Variants in STUM observed in about 807,000 individuals in gnomAD.
STUM encodes protein stum homolog.
A neutral mutation model predicts 15.3 loss-of-function variants in STUM; 8 were observed. The ratio of observed to expected loss-of-function variants is 0.52; its 90% confidence interval spans 0.31 to 0.94. STUM has a LOEUF of 0.94. STUM is among the 40% of genes least tolerant of loss of function. STUM has a pLI of 0.05. For missense variants in STUM, 142 were observed against 204.9 expected, an observed-to-expected ratio of 0.69 and a Z score of 1.87; for synonymous variants, 78 against 88.7, an observed-to-expected ratio of 0.88 and a Z score of 0.68.
In STUM at chr1:226,608,647, C is replaced by G. The variant is rs954466054; in HGVS notation, c.*6607C>G. 1 of 152,194 alleles carries G rather than the reference C, an allele frequency of 6.6e-6. No homozygotes were observed. The highest frequency in any genetic ancestry group is 2.4e-5 in the African/African-American group (1 of 41,430). 9.4% of individuals were successfully genotyped at this position (152,194 alleles called of 1,614,324 possible). A position where few individuals can be genotyped will look rare whatever the true frequency, so the allele number is the denominator to read the frequency against. ...CCCTGAGCTCCTGGGGTTTTCTTGTCTCACTTCTACCCTGACCTGCTGGGA... is the reference window on the plus strand; with the variant it reads ...CCCTGAGCTCCTGGGGTTTTCTTGTGTCACTTCTACCCTGACCTGCTGGGA... On this transcript the variant is annotated 3_prime_UTR_variant, in exon 4 of 4. Transcript: ENST00000366788. This position sits in a 1 kb window ranked among gnomAD's most constrained non-coding sequence, Gnocchi z 4.0.
intron 1 of STUM, among the ~76,000 whole-genome samples, chr1:226,574,369 G>A (rs956144493): frequency 6.6e-6 from 1 of 152,166 alleles, no homozygotes; most frequent in Non-Finnish European, 1.5e-5. Context: ...ATTTCACTTA[G>A]CATAATGTTT....
chr1:226,549,153 G>T lies in STUM; in HGVS notation c.202+47G>T. 1.3e-6 allele frequency: 2 copies of T among 1,519,082 alleles called. No homozygotes were observed. Among genetic ancestry groups the T allele is most frequent in the Non-Finnish European group, 1.8e-6 (2 of 1,121,068 alleles). 94.1% of individuals were successfully genotyped at this position (1,519,082 alleles called of 1,614,324 possible). A position where few individuals can be genotyped will look rare whatever the true frequency, so the allele number is the denominator to read the frequency against. ...CCTTGCGACCCCCACCCCGCCGCGG[G>T]AGGGCGTGGGGGGAGAGAAGGGCGC... On this transcript the variant is annotated intron_variant, in intron 1 of 3. Coordinates refer to ENST00000366788, the MANE Select transcript of STUM (RefSeq NM_001003665.4). This position sits in a 1 kb window ranked among gnomAD's most constrained non-coding sequence, Gnocchi z 6.8.
At chr1:226,588,729 G>A (rs1391336642) in intron 1 of STUM, among the ~76,000 whole-genome samples, 2 of 152,224 alleles carry the variant, frequency 1.3e-5, no homozygotes. Context: ...TGGGGCCCGG[G>A]AAGGTGTATT....
At chr1:226,568,804 C>T (rs185477265) in intron 1 of STUM, among the ~76,000 whole-genome samples, 3 of 152,384 alleles carry the variant, frequency 2.0e-5, no homozygotes, top group African/African-American at 7.2e-5. Flanking sequence ...TGGAGGACAC[C>T]TCATTGCTCC....
chr1:226,598,712 G>A (rs1558288085), intron 2 of STUM, among the ~76,000 whole-genome samples: 1 of 152,202 alleles, frequency 6.6e-6, no homozygotes, highest in Non-Finnish European at 1.5e-5. Flanking sequence ...TAACTGGTCT[G>A]CAGGATAAGC....
At position 226,602,073 on chromosome 1, in the gene STUM, G is replaced by T. The variant is rs199904485; in HGVS notation, c.*33G>T. 1.9e-6 allele frequency: 3 copies of T among 1,585,488 alleles called. No homozygotes were observed. Among genetic ancestry groups the T allele is most frequent in the East Asian group, 2.2e-5 (1 of 44,736 alleles). On this transcript the variant is annotated 3_prime_UTR_variant, in exon 4 of 4. Coordinates refer to ENST00000366788, the MANE Select transcript of STUM (RefSeq NM_001003665.4). ...GGAGCCGCTGGGGAGATCCAGGGGG[G>T]CCCTGTGAGGGCTGCACCAGGCAGC...
In STUM at chr1:226,596,785, C is replaced by T. The variant is rs188943559; in HGVS notation, c.203-17C>T. On this transcript the variant is annotated splice_polypyrimidine_tract_variant and intron_variant, in intron 1 of 3. Coordinates refer to ENST00000366788, the MANE Select transcript of STUM (RefSeq NM_001003665.4). ...TCCCAGTGCCCTCAGAAGGCTGTCC[C>T]CTCTGGCCTCTCACAGGGACATTCG... The T allele has an allele frequency of 1.2e-6, 2 of 1,604,752 alleles. No homozygotes were observed. Among genetic ancestry groups the T allele is most frequent in the Non-Finnish European group, 1.7e-6 (2 of 1,172,800 alleles).
intron 1 of STUM, among the ~76,000 whole-genome samples, chr1:226,575,510 C>T (rs537281070): frequency 5.3e-5 from 8 of 152,264 alleles, no homozygotes; most frequent in East Asian, 3.9e-4. Context: ...GACTGGGCCG[C>T]GAGGCCTGGC....
intron 1 of STUM, among the ~76,000 whole-genome samples, chr1:226,574,537 C>T (rs947993707): frequency 1.3e-5 from 2 of 152,170 alleles, no homozygotes; most frequent in African/African-American, 2.4e-5. Flanking sequence ...GGCAATGAGA[C>T]GCTTGGATCG....
rs1287522535 is a variant in STUM at position 226,567,220 on chromosome 1, C to A, written c.202+18114C>A. On this transcript the variant is annotated intron_variant, in intron 1 of 3. Transcript: ENST00000366788. The surrounding 1 kb of genome is among the most constrained non-coding windows in gnomAD (Gnocchi z 4.5). ...GATTGACCTGAAATCTCTTCCCGAG[C>A]CTTGCTTTCAAAAAGCCTTTGAAGA... Among the ~76,000 whole-genome samples the A allele has an allele frequency of 2.6e-5, 4 of 152,170 alleles. No individual in the cohort carries two copies. Among genetic ancestry groups the A allele is most frequent in the Non-Finnish European group, 5.9e-5 (4 of 68,024 alleles).
intron 1 of STUM, among the ~76,000 whole-genome samples, chr1:226,553,394 C>A (rs1458903274): frequency 6.6e-6 from 1 of 152,096 alleles, no homozygotes; most frequent in Non-Finnish European, 1.5e-5. Flanking sequence ...GCAGTAAAGA[C>A]AAAGAGCCAT....
chr1:226,555,991 A>G (rs1667439909), intron 1 of STUM, among the ~76,000 whole-genome samples: 1 of 152,242 alleles, frequency 6.6e-6, no homozygotes, highest in Admixed American at 6.5e-5. Context: ...CAATATGAAC[A>G]TTATTCATAA....
chr1:226,601,128 T>C (rs1013342176), intron 3 of STUM, among the ~76,000 whole-genome samples: 3 of 152,146 alleles, frequency 2.0e-5, no homozygotes, highest in South Asian at 2.1e-4. Flanking sequence ...TCGTTTTTTT[T>C]TTCTTCTTCT....
intron 1 of STUM, among the ~76,000 whole-genome samples, chr1:226,573,537 A>G (rs1667754505): frequency 6.6e-6 from 1 of 152,168 alleles, no homozygotes. Flanking sequence ...CCATTCCTCT[A>G]TATTGCTTGA....
intron 1 of STUM, among the ~76,000 whole-genome samples, chr1:226,562,235 G>A (rs1183018637): frequency 6.6e-6 from 1 of 152,072 alleles, no homozygotes; most frequent in Non-Finnish European, 1.5e-5. Flanking sequence ...GTGGGAGGCC[G>A]AGGTGGGTGG....
chr1:226,578,264 T>A (rs1005932690), intron 1 of STUM, among the ~76,000 whole-genome samples: 4 of 151,956 alleles, frequency 2.6e-5, no homozygotes, highest in African/African-American at 9.7e-5. Flanking sequence ...AAAACTGAGA[T>A]AAGGTCTCAC....
At chr1:226,566,736 G>A (rs1667631884) in intron 1 of STUM, among the ~76,000 whole-genome samples, 1 of 152,212 alleles carries the variant, frequency 6.6e-6, no homozygotes, top group African/African-American at 2.4e-5. Flanking sequence ...TTGCCACCAT[G>A]TCACAAAACA....
intron 1 of STUM, among the ~76,000 whole-genome samples, chr1:226,558,007 A>G (rs1183057679): frequency 6.6e-6 from 1 of 152,240 alleles, no homozygotes; most frequent in Non-Finnish European, 1.5e-5. Context: ...AAGGCCATAT[A>G]TGAGAAGCCC....
chr1:226,574,476 C>G (rs1168936209), intron 1 of STUM, among the ~76,000 whole-genome samples: 3 of 152,196 alleles, frequency 2.0e-5, no homozygotes, highest in Non-Finnish European at 4.4e-5. Flanking sequence ...AGTTGAATGT[C>G]GTTGGCCCGG....
Sources: gnomAD v4.1 joint callset for allele counts (sites outside exome capture counted in the v4.1 genomes callset) on GRCh38, gnomAD v4.1.1 for gene constraint, Gnocchi (gnomAD v3.1) non-coding constraint, MANE v1.5 for transcripts, NCBI Gene and HGNC (gene_info 2026-07-23, HGNC 2026-07-21) for gene names.